ARHGAP42: variants seen among roughly 807,000 people sequenced by gnomAD.
ARHGAP42 encodes the protein rho GTPase-activating protein 42.
A neutral mutation model predicts 125.0 loss-of-function variants in ARHGAP42; 63 were observed. The observed-to-expected ratio is 0.50, with a 90% confidence interval of 0.41 to 0.62. The LOEUF is 0.62. Among genes scored for constraint, ARHGAP42 ranks in the 20% least tolerant of loss-of-function variants. The pLI, the probability that ARHGAP42 is intolerant of heterozygous loss-of-function variation, is 0.00. For missense variants in ARHGAP42, 766 were observed against 1,024.2 expected, an observed-to-expected ratio of 0.75 and a Z score of 3.44; for synonymous variants, 339 against 351.0, an observed-to-expected ratio of 0.97 and a Z score of 0.38.
intron 2 of ARHGAP42, among the ~76,000 whole-genome samples, chr11:100,771,229 T>G (rs1236523492): frequency 6.6e-6 from 1 of 152,204 alleles, no homozygotes; most frequent in East Asian, 1.9e-4. Flanking sequence ...TTTGGCAATG[T>G]GTCCCTGGGG....
chr11:100,690,951 T>C (rs1165653701), intron 1 of ARHGAP42, among the ~76,000 whole-genome samples: 1 of 152,222 alleles, frequency 6.6e-6, no homozygotes, highest in African/African-American at 2.4e-5. Flanking sequence ...AAAAGGATAA[T>C]GGTTAATTAA....
At chr11:100,744,554 GTGTGTGTGTGCGTGCT>G (rs1332771849) in intron 1 of ARHGAP42, among the ~76,000 whole-genome samples, 2 of 124,928 alleles carry the variant, frequency 1.6e-5, no homozygotes, top group African/African-American at 3.2e-5. Flanking sequence ...GTGTGTGTGT[GTGTGTGTGTGCGTGCT>G]TGTGTGTGTG....
intron 10 of ARHGAP42, among the ~76,000 whole-genome samples, chr11:100,947,445 C>T (rs1378431646): frequency 6.6e-6 from 1 of 151,938 alleles, no homozygotes; most frequent in African/African-American, 2.4e-5. Context: ...TTATTAAACT[C>T]TGTACTTAGG....
intron 2 of ARHGAP42, among the ~76,000 whole-genome samples, chr11:100,781,514 A>G (rs988927407): frequency 2.5e-4 from 38 of 152,328 alleles, no homozygotes; most frequent in African/African-American, 8.4e-4. Context: ...CTTTGAGGTT[A>G]CTTGTTCATT....
chr11:100,759,887 G>C (rs1862663635), intron 1 of ARHGAP42, among the ~76,000 whole-genome samples: 1 of 152,184 alleles, frequency 6.6e-6, no homozygotes, highest in Non-Finnish European at 1.5e-5. Flanking sequence ...GACACAATAA[G>C]AGGGTCCATA....
chr11:100,962,943 A>G (rs1429351470), intron 16 of ARHGAP42, among the ~76,000 whole-genome samples: 2 of 152,248 alleles, frequency 1.3e-5, no homozygotes, highest in African/African-American at 4.8e-5. Flanking sequence ...TTAGAAGCCA[A>G]TAAGAAATTG....
chr11:100,829,409 A>T (rs2135091101), intron 3 of ARHGAP42, among the ~76,000 whole-genome samples: 1 of 152,242 alleles, frequency 6.6e-6, no homozygotes, highest in African/African-American at 2.4e-5. Context: ...CACCAGGTTA[A>T]TTCTGCTATC....
At chr11:100,735,002 A>AAACAAC (rs201001433) in intron 1 of ARHGAP42, among the ~76,000 whole-genome samples, 5 of 151,802 alleles carry the variant, frequency 3.3e-5, no homozygotes, top group Admixed American at 1.3e-4. Flanking sequence ...TACAACAACA[A>AAACAAC]AACAACAACA....
At chr11:100,955,825 G>C (rs1249887479) in intron 12 of ARHGAP42, among the ~76,000 whole-genome samples, 1 of 151,768 alleles carries the variant, frequency 6.6e-6, no homozygotes, top group Non-Finnish European at 1.5e-5. Context: ...TTTTTGTTTT[G>C]TTTTTGGATG....
chr11:100,845,314 A>C (rs1555010435), intron 3 of ARHGAP42, among the ~76,000 whole-genome samples: 1 of 152,080 alleles, frequency 6.6e-6, no homozygotes. Flanking sequence ...ATGCGAAGGC[A>C]TGAGAATGAT....
intron 18 of ARHGAP42, among the ~76,000 whole-genome samples, 181 bp from the exon 19 acceptor site, chr11:100,974,278 G>A (rs892713541): frequency 6.6e-6 from 1 of 152,098 alleles, no homozygotes; most frequent in African/African-American, 2.4e-5. Flanking sequence ...TTTGGGAAAT[G>A]GGAGAGAATA....
intron 9 of ARHGAP42, among the ~76,000 whole-genome samples, chr11:100,943,102 T>C (rs1295518267): frequency 2.6e-5 from 4 of 151,960 alleles, no homozygotes; most frequent in African/African-American, 9.7e-5. Flanking sequence ...AGTAGCGGTG[T>C]AGCAGTGGGT....
At chr11:100,699,051 C>G (rs1319156484) in intron 1 of ARHGAP42, among the ~76,000 whole-genome samples, 2 of 151,908 alleles carry the variant, frequency 1.3e-5, no homozygotes, top group Non-Finnish European at 2.9e-5. Flanking sequence ...GTTGGTGGTA[C>G]CTTCTCAGCC....
At chr11:100,947,314 G>C (rs117356720) in intron 10 of ARHGAP42, among the ~76,000 whole-genome samples, 140 of 151,932 alleles carry the variant, frequency 9.2e-4, no homozygotes, top group Non-Finnish European at 1.7e-3. Context: ...TGACCTATTT[G>C]CTGAACTATT....
At chr11:100,709,099 G>T (rs1300773505) in intron 1 of ARHGAP42, among the ~76,000 whole-genome samples, 1 of 151,978 alleles carries the variant, frequency 6.6e-6, no homozygotes, top group East Asian at 1.9e-4. Context: ...GAGTGCAGTG[G>T]CATGATCTTG....
In ARHGAP42 at chr11:100,992,358, G is replaced by T. The variant is rs749088232; in HGVS notation, c.*3557G>T. 9 of 1,613,668 alleles carry T rather than the reference G, an allele frequency of 5.6e-6. No individual in the cohort carries two copies. Among genetic ancestry groups the T allele is most frequent in the African/African-American group, 1.3e-5 (1 of 75,030 alleles). ...CCCGGAAATCACATCTCCTGGTCAG[G>T]TCACGAAAAAGAACACAGGCTTGAC... On this transcript the variant is annotated 3_prime_UTR_variant, in exon 24 of 24. Coordinates refer to ENST00000298815, the MANE Select transcript of ARHGAP42 (RefSeq NM_152432.4).
rs1858896675 is a variant in ARHGAP42 at position 100,993,483 on chromosome 11, A to T, written c.*4682A>T. ...CTGTCTGCACATGATTGATGCTTAA[A>T]ATCCAATATACCACCACATATCAAA... On this transcript the variant is annotated 3_prime_UTR_variant, in exon 24 of 24. Coordinates refer to ENST00000298815, the MANE Select transcript of ARHGAP42 (RefSeq NM_152432.4). 1 of 167,014 alleles carries T rather than the reference A, an allele frequency of 6.0e-6. No individual in the cohort carries two copies. Among genetic ancestry groups the T allele is most frequent in the African/African-American group, 2.4e-5 (1 of 41,426 alleles). 10.3% of individuals were successfully genotyped at this position (167,014 alleles called of 1,614,324 possible).
chr11:100,849,946 A>G (rs185717779), intron 3 of ARHGAP42, among the ~76,000 whole-genome samples: 10 of 152,256 alleles, frequency 6.6e-5, no homozygotes, highest in Non-Finnish European at 8.8e-5. Flanking sequence ...CTTTTTTCTC[A>G]TTTCTCAAAC....
intron 4 of ARHGAP42, among the ~76,000 whole-genome samples, chr11:100,868,531 G>T (rs1011385066): frequency 6.6e-6 from 1 of 152,132 alleles, no homozygotes; most frequent in Admixed American, 6.5e-5. Context: ...ATGGACCAAG[G>T]TAATCTAACT....
Sources: gnomAD v4.1 joint callset for allele counts (sites outside exome capture counted in the v4.1 genomes callset) on GRCh38, gnomAD v4.1.1 for gene constraint, MANE v1.5 for transcripts, NCBI Gene and HGNC (gene_info 2026-07-23, HGNC 2026-07-21) for gene names.